Variants in GLRA3 observed in about 807,000 individuals in gnomAD.
GLRA3 encodes glycine receptor subunit alpha-3.
In GLRA3, 44 loss-of-function variants were observed where a neutral mutation model predicts 60.4. That is an observed-to-expected ratio of 0.73 (90% confidence interval 0.57 to 0.94). The LOEUF is 0.94. Ranked by LOEUF, GLRA3 falls within the 40% of genes least tolerant of loss-of-function variation. The pLI is 0.00. For synonymous variants in GLRA3, 223 were observed against 192.9 expected (o/e 1.16, Z -1.29); for missense variants, 508 against 564.6 (o/e 0.90, Z 1.02).
chr4:174,715,636 G>A lies in GLRA3; in HGVS notation c.492-66C>T, dbSNP rs1735891011. The stretch of plus-strand genomic sequence containing the variant: ...ATTATATTAATATTCTATTGTACAG[G>A]AGAAACAATGTTGCTTTGCTGGTGA... On this transcript the variant is annotated intron_variant, in intron 4 of 9. Transcript: ENST00000274093. 5.5e-6 allele frequency: 4 copies of A among 726,308 alleles called. No homozygotes were observed. The East Asian group carries it at 8.1e-5, about 15-fold the overall frequency. The allele number at this position is 726,308 out of a possible 1,614,324, so 45.0% of individuals were successfully genotyped here.
Position 174,655,137 on chromosome 4 carries a change from T to C in GLRA3, c.1116+1606A>G, listed in dbSNP as rs190845460. 1.7e-3 allele frequency among the ~76,000 whole-genome samples: 258 copies of C among 152,262 alleles called. 1 individual carries two copies. The highest frequency in any genetic ancestry group is 2.9e-3 in the Non-Finnish European group (194 of 68,026). ...AAATTAGAGTACTGAAGAAAATTCA[T>C]GTAAACCAGTACTCATGACAATAAA... On this transcript the variant is annotated intron_variant, in intron 9 of 9. Coordinates refer to ENST00000274093, the MANE Select transcript of GLRA3 (RefSeq NM_006529.4).
chr4:174,755,466 G>A (rs1339368463), intron 3 of GLRA3, among the ~76,000 whole-genome samples: 1 of 152,022 alleles, frequency 6.6e-6, no homozygotes, highest in Non-Finnish European at 1.5e-5. Flanking sequence ...AGCATAAGGA[G>A]AAAAGGCAAT....
intron 2 of GLRA3, among the ~76,000 whole-genome samples, chr4:174,767,733 C>G (rs942839433): frequency 3.3e-5 from 5 of 152,082 alleles, no homozygotes; most frequent in African/African-American, 1.2e-4. Context: ...GTTTACAACT[C>G]TACCTTACCC....
At chr4:174,816,562 A>G (rs1477756446) in intron 1 of GLRA3, among the ~76,000 whole-genome samples, 1 of 151,964 alleles carries the variant, frequency 6.6e-6, no homozygotes, top group African/African-American at 2.4e-5. Context: ...CAAGTTACTA[A>G]AAGAATAAAT....
chr4:174,775,680 G>C (rs1738569553), intron 2 of GLRA3, among the ~76,000 whole-genome samples: 1 of 152,142 alleles, frequency 6.6e-6, no homozygotes, highest in African/African-American at 2.4e-5. Flanking sequence ...AAATATTCTA[G>C]TGAAATAATG....
chr4:174,766,306 T>C lies in GLRA3; in HGVS notation c.267+657A>G, dbSNP rs575028968. Among the ~76,000 whole-genome samples the C allele has an allele frequency of 2.6e-5, 4 of 152,176 alleles. No homozygotes were observed. In the East Asian group the frequency reaches 7.7e-4, roughly 29 times the overall value. ...TAAAATTGGCTGCTAGACAATTTTATAGATGTTCAGTGGTTCATGTGTCTA... is the reference window on the plus strand; with the variant it reads ...TAAAATTGGCTGCTAGACAATTTTACAGATGTTCAGTGGTTCATGTGTCTA... On this transcript the variant is annotated intron_variant, in intron 3 of 9. Coordinates refer to ENST00000274093, the MANE Select transcript of GLRA3 (RefSeq NM_006529.4).
chr4:174,762,804 A>G (rs1304328173), intron 3 of GLRA3, among the ~76,000 whole-genome samples: 1 of 152,170 alleles, frequency 6.6e-6, no homozygotes, highest in Non-Finnish European at 1.5e-5. Flanking sequence ...TGACATATGC[A>G]TATACCTGTG....
chr4:174,688,978 G>C (rs1734673954), intron 5 of GLRA3, among the ~76,000 whole-genome samples: 1 of 152,128 alleles, frequency 6.6e-6, no homozygotes, highest in African/African-American at 2.4e-5. Context: ...GGAATTGTCT[G>C]ATCATAGGAT....
intron 3 of GLRA3, among the ~76,000 whole-genome samples, chr4:174,734,112 TTC>T (rs1346374520): frequency 6.6e-6 from 1 of 152,168 alleles, no homozygotes; most frequent in Non-Finnish European, 1.5e-5. Flanking sequence ...CCAGAATTCT[TTC>T]TGTTTTAAAA....
chr4:174,824,451 G>A (rs968374533), intron 1 of GLRA3, among the ~76,000 whole-genome samples: 6 of 152,132 alleles, frequency 3.9e-5, no homozygotes, highest in African/African-American at 1.4e-4. Flanking sequence ...TGACTACTCA[G>A]TTATAATTAA....
chr4:174,759,009 G>A (rs1737838573), intron 3 of GLRA3, among the ~76,000 whole-genome samples: 1 of 152,068 alleles, frequency 6.6e-6, no homozygotes, highest in African/African-American at 2.4e-5. Flanking sequence ...AAGTATGGTA[G>A]AGAGAACTTT....
At chr4:174,721,817 G>A (rs74562119) in intron 4 of GLRA3, among the ~76,000 whole-genome samples, 2,081 of 44,670 alleles carry the variant, frequency 0.047, 42 homozygotes, top group African/African-American at 0.12. Context: ...GAAAAAATAT[G>A]TGTGTGTATA....
Position 174,682,912 on chromosome 4 carries a change from A to C in GLRA3, c.602T>G (p.Phe201Cys), listed in dbSNP as rs1224709737. Residue 201 changes from phenylalanine to cysteine, a missense_variant, in exon 6 of 10, where the codon TTT becomes TGT. Phe to Cys is a radical substitution (Grantham distance 205). Coordinates refer to ENST00000274093, the MANE Select transcript of GLRA3 (RefSeq NM_006529.4). ...TACGGGTGCCTCATCTTGCCATTCA[A>C]AAATGAGATCATTCATTGTGTACCC... ...SFGYTMNDLIFEWQDEAPVQV... is the reference protein window; with the variant it reads ...SFGYTMNDLICEWQDEAPVQV... 6.2e-7 allele frequency: 1 copy of C among 1,613,268 alleles called. No individual in the cohort carries two copies. The highest frequency in any genetic ancestry group is 8.5e-7 in the Non-Finnish European group (1 of 1,179,226).
At chr4:174,826,600 A>G (rs1305838331) in intron 1 of GLRA3, among the ~76,000 whole-genome samples, 3 of 152,186 alleles carry the variant, frequency 2.0e-5, no homozygotes, top group African/African-American at 7.2e-5. Context: ...TTTTAAAAAA[A>G]TCTTCAAAGC....
intron 1 of GLRA3, among the ~76,000 whole-genome samples, chr4:174,797,297 A>G (rs1449773941): frequency 1.3e-5 from 2 of 152,192 alleles, no homozygotes; most frequent in Admixed American, 1.3e-4. Context: ...ATTAGCTATG[A>G]TCGGTACTTT....
At chr4:174,645,880 A>T (rs1263362853) in intron 9 of GLRA3, among the ~76,000 whole-genome samples, 2 of 152,344 alleles carry the variant, frequency 1.3e-5, no homozygotes, top group East Asian at 3.9e-4. Flanking sequence ...AATTAGAATT[A>T]AATTGTTCTT....
At chr4:174,673,390 C>A (rs968707603) in intron 7 of GLRA3, among the ~76,000 whole-genome samples, 1 of 152,046 alleles carries the variant, frequency 6.6e-6, no homozygotes, top group Admixed American at 6.6e-5. Context: ...ATTATTATTA[C>A]TATCTCCTCT....
chr4:174,689,756 TAAAAAAAAA>T (rs553306775), intron 5 of GLRA3, among the ~76,000 whole-genome samples: 3,863 of 39,444 alleles, frequency 0.098, 91 homozygotes, highest in South Asian at 0.21. Context: ...TAAGTCGCAT[TAAAAAAAAA>T]AAAAAAAAAA....
At chr4:174,783,244 G>T (rs1445088500) in intron 2 of GLRA3, among the ~76,000 whole-genome samples, 2 of 146,482 alleles carry the variant, frequency 1.4e-5, no homozygotes, top group African/African-American at 5.0e-5. Context: ...AATAAGTGGT[G>T]CTGGGAAAAC....
Sources: allele counts gnomAD v4.1 joint callset (sites outside exome capture counted in the v4.1 genomes callset), GRCh38; gene constraint gnomAD v4.1.1; transcripts MANE v1.5; gene names NCBI Gene and HGNC (gene_info 2026-07-23, HGNC 2026-07-21).